Variants in MYH6 observed in about 807,000 individuals in gnomAD.
The protein encoded by MYH6 is myosin heavy chain 6.
Under a neutral mutation model 223.2 loss-of-function variants are expected in MYH6, and 126 were observed. That is an observed-to-expected ratio of 0.56 (90% CI 0.49 to 0.65). The LOEUF (loss-of-function observed/expected upper bound fraction) is 0.65. MYH6 is among the 30% of genes least tolerant of loss of function. The probability of loss-of-function intolerance (pLI) is 0.00; values close to 1 mark genes in which losing one functional copy is unlikely to be tolerated. For missense variants in MYH6, 2,040 were observed against 2,536.4 expected (o/e 0.80, Z 4.20); for synonymous variants, 978 against 1,010.2 (o/e 0.97, Z 0.61).
In MYH6 at chr14:23,393,848, G is replaced by T; in HGVS notation, c.2746C>A (p.Gln916Lys). 1.9e-6 allele frequency: 3 copies of T among 1,614,226 alleles called. No homozygotes were observed. Among genetic ancestry groups the T allele is most frequent in the Non-Finnish European group, 2.5e-6 (3 of 1,180,042 alleles). The change falls in exon 22 of 39, where the codon CAG becomes AAG. Residue 916 changes from glutamine to lysine, a missense_variant. By Grantham distance (53) the Gln-to-Lys change is moderately conservative. Coordinates refer to ENST00000405093, the MANE Select transcript of MYH6 (RefSeq NM_002471.4). ...ATCTCCTTTACTTTGGCCTCCAGCT[G>T]AATCTTGTTTTTGATCAGCTGGTCG... is the stretch of plus-strand genomic sequence containing the variant. ...RCDQLIKNKIQLEAKVKEMNE... is the reference protein window; with the variant it reads ...RCDQLIKNKIKLEAKVKEMNE...
At position 23,392,894 on chromosome 14, in the gene MYH6, G is replaced by A. The variant is rs1801790354; in HGVS notation, c.3251+18C>T. ...CAGACACCTCCATTAGCCCCTCCTGGCCACCACAGTCTCCTACTTCTTAAG... is the reference window on the plus strand; with the variant it reads ...CAGACACCTCCATTAGCCCCTCCTGACCACCACAGTCTCCTACTTCTTAAG... On this transcript the variant is annotated intron_variant, in intron 24 of 38. Coordinates refer to ENST00000405093, the MANE Select transcript of MYH6 (RefSeq NM_002471.4). 1 of 1,612,576 alleles carries A rather than the reference G, an allele frequency of 6.2e-7. No homozygotes were observed. Among genetic ancestry groups the A allele is most frequent in the Non-Finnish European group, 8.5e-7 (1 of 1,180,004 alleles).
intron 7 of MYH6, 129 bp from the exon 8 acceptor site, chr14:23,404,517 G>C: frequency 8.5e-7 from 1 of 1,177,448 alleles, no homozygotes; most frequent in Non-Finnish European, 1.3e-6. Context: ...GTGGGTCTGC[G>C]ACTCCACAGG....
rs750174797 is a variant in MYH6, at chr14:23,390,437, C to G, written c.3352G>C (p.Glu1118Gln). 2.5e-6 allele frequency: 4 copies of G among 1,612,580 alleles called. No individual in the cohort carries two copies. Among genetic ancestry groups the G allele is most frequent in the Admixed American group, 3.3e-5 (2 of 59,958 alleles). The change falls in exon 26 of 39, where the codon GAG (glutamate) becomes CAG (glutamine). Residue 1118 changes from glutamate (E) to glutamine (Q), a missense_variant. Glu to Gln is a conservative substitution (Grantham distance 29). Around this residue, in one of 4 missense-constraint regions of MYH6, gnomAD observed 1,203 missense variants for 1,400.2 expected, o/e 0.86. Transcript: ENST00000405093. Reference protein sequence around the residue: ...KKLKENQARIEELEEELEAER... With the variant: ...KKLKENQARIQELEEELEAER... ...GCCTCCAGCTCCTCCTCCAGCTCCT[C>G]GATGCGTGCCTGGGTCAGACACAAA...
chr14:23,397,935 TTCTTCTTCTTCTTC>T, intron 15 of MYH6, among the ~76,000 whole-genome samples: 1 of 57,752 alleles, frequency 1.7e-5, no homozygotes, highest in Non-Finnish European at 3.5e-5. Flanking sequence ...CCTCCTCCTC[TTCTTCTTCTTCTTC>T]TTCTTCTTCT....
intron 25 of MYH6, 28 bp downstream of exon 25, chr14:23,392,534 A>G: frequency 6.5e-7 from 1 of 1,539,766 alleles, no homozygotes; most frequent in South Asian, 1.1e-5. Context: ...TTGAGCTCCC[A>G]CTTTCATGCA....
chr14:23,389,488 C>G lies in MYH6; in HGVS notation c.3883G>C (p.Glu1295Gln), dbSNP rs34935550. 3.1e-3 allele frequency: 5,005 copies of G among 1,614,204 alleles called. 21 individuals carry two copies. The highest frequency in any genetic ancestry group is 0.013 in the East Asian group (582 of 44,884). ...AGCTGCGAGATTAGCGCCTCCTTTT[C>G]CTCTAGCTGCCGGGCCAACTCTCCT... ...ENGELARQLE[E>Q]KEALISQLTR... Residue 1295 changes from glutamate to glutamine, a missense_variant, in exon 28 of 39, where the codon GAA becomes CAA. Physicochemically the swap from Glu to Gln is conservative, Grantham distance 29. Around this residue, in one of 4 missense-constraint regions of MYH6, gnomAD observed 1,203 missense variants for 1,400.2 expected, o/e 0.86. Coordinates refer to ENST00000405093, the MANE Select transcript of MYH6 (RefSeq NM_002471.4).
At position 23,407,339 on chromosome 14, in the gene MYH6, C is replaced by A. The variant is rs1190811280; in HGVS notation, c.-13-103G>T. 2.2e-6 allele frequency: 3 copies of A among 1,378,226 alleles called. No individual in the cohort carries two copies. The East Asian group carries it at 7.0e-5, about 32-fold the overall frequency. The allele number at this position is 1,378,226 out of a possible 1,614,324, so 85.4% of individuals were successfully genotyped here. On this transcript the variant is annotated intron_variant, in intron 2 of 38. Coordinates refer to ENST00000405093, the MANE Select transcript of MYH6 (RefSeq NM_002471.4). This position sits in a 1 kb window ranked among gnomAD's most constrained non-coding sequence, Gnocchi z 5.6. ...CCCTCCCTACCCCCGCTCCTCTCCT[C>A]CACCCTGGGAGAGGCACCTGCTGTT...
Position 23,384,292 on chromosome 14 carries a change from T to C in MYH6, c.5565+150A>G, listed in dbSNP as rs1189762527. On this transcript the variant is annotated intron_variant, in intron 36 of 38. Transcript: ENST00000405093. ...TCATTTGCTGGAAAAACTCATAGAC[T>C]CAAGTCAAACTGACTGCAGAGCGTG... The C allele has an allele frequency of 1.7e-5, 22 of 1,266,390 alleles. No individual in the cohort carries two copies. The Admixed American group carries it at 4.2e-4, about 24-fold the overall frequency. 78.4% of individuals were successfully genotyped at this position (1,266,390 alleles called of 1,614,324 possible).
Position 23,390,118 on chromosome 14 carries a change from C to T in MYH6, c.3671G>A (p.Ser1224Asn), listed in dbSNP as rs1342875025. The T allele has an allele frequency of 3.7e-6, 6 of 1,612,160 alleles. No individual in the cohort carries two copies. The highest frequency in any genetic ancestry group is 5.1e-6 in the Non-Finnish European group (6 of 1,179,660). ...RVKQKLEKEK[S>N]EFKLELDDVT... ...GTCATCCAGCTCCAGCTTGAACTCGCTCTTCTCCTTCTCCAGCTTCTGCTT... is the reference window on the plus strand; with the variant it reads ...GTCATCCAGCTCCAGCTTGAACTCGTTCTTCTCCTTCTCCAGCTTCTGCTT... Residue 1224 changes from serine to asparagine, a missense_variant, in exon 26 of 39, where the codon AGC (serine) becomes AAC (asparagine). Coordinates refer to ENST00000405093, the MANE Select transcript of MYH6 (RefSeq NM_002471.4).
chr14:23,401,163 T>C (rs1169472788), intron 12 of MYH6, among the ~76,000 whole-genome samples, 186 bp from the exon 13 acceptor site: 7 of 152,176 alleles, frequency 4.6e-5, no homozygotes, highest in Admixed American at 2.6e-4. Context: ...TGAGCCACCA[T>C]GCCAGGCTAA....
rs1891768911 is a variant in MYH6, at chr14:23,405,805, C to T, written c.202-35G>A. 1 of 1,613,950 alleles carries T rather than the reference C, an allele frequency of 6.2e-7. No homozygotes were observed. The highest frequency in any genetic ancestry group is 8.5e-7 in the Non-Finnish European group (1 of 1,179,928). On this transcript the variant is annotated intron_variant, in intron 3 of 38. Transcript: ENST00000405093. The surrounding 1 kb of genome is among the most constrained non-coding windows in gnomAD (Gnocchi z 4.7). Reference sequence around the variant, plus strand: ...GCGCATAAGCAGGAGGATGAGTGACCACAATCCCTCCGGGACCCTTGCCAG... The same window carrying T: ...GCGCATAAGCAGGAGGATGAGTGACTACAATCCCTCCGGGACCCTTGCCAG...
chr14:23,396,464 G>A, intron 19 of MYH6, 44 bp from the exon 20 acceptor site: 6 of 1,609,046 alleles, frequency 3.7e-6, no homozygotes, highest in Non-Finnish European at 5.1e-6. Flanking sequence ...CCTCAGAGGG[G>A]AGTATCCAGG....
intron 32 of MYH6, 144 bp from the exon 33 acceptor site, chr14:23,386,767 T>G: frequency 9.8e-7 from 1 of 1,018,912 alleles, no homozygotes; most frequent in Non-Finnish European, 1.4e-6. Flanking sequence ...CTGCACCCCA[T>G]GCCCACCACG....
intron 28 of MYH6, 25 bp downstream of exon 28, chr14:23,389,368 G>T (rs1273984063): frequency 1.2e-6 from 2 of 1,610,898 alleles, no homozygotes; most frequent in Admixed American, 3.3e-5. Context: ...CATCAAGCCT[G>T]CCCACCCTCC....
rs576020908 is a variant in MYH6 at position 23,394,581 on chromosome 14, C to A, written c.2430-258G>T. 6.6e-4 allele frequency among the ~76,000 whole-genome samples: 100 copies of A among 152,314 alleles called. 1 individual carries two copies. Among genetic ancestry groups the A allele is most frequent in the Non-Finnish European group, 1.2e-3 (79 of 68,022 alleles). On this transcript the variant is annotated intron_variant, in intron 20 of 38. Coordinates refer to ENST00000405093, the MANE Select transcript of MYH6 (RefSeq NM_002471.4). Reference sequence around the variant, plus strand: ...AGAATGTCTACTCTGTTTGGTTTTTCTATTCTCATAAGAACTTCAAATATG... The same window carrying A: ...AGAATGTCTACTCTGTTTGGTTTTTATATTCTCATAAGAACTTCAAATATG...
chr14:23,390,343 C>T lies in MYH6; in HGVS notation c.3446G>A (p.Ser1149Asn). 2 of 1,608,860 alleles carry T rather than the reference C, an allele frequency of 1.2e-6. No homozygotes were observed. Among genetic ancestry groups the T allele is most frequent in the Non-Finnish European group, 8.5e-7 (1 of 1,179,424 alleles). Reference sequence around the variant, plus strand: ...CCCGCCGGCCTCTTCCAGCCGCTCGCTGATCTCCTCCAGCTCCCGAGACAG... The same window carrying T: ...CCCGCCGGCCTCTTCCAGCCGCTCGTTGATCTCCTCCAGCTCCCGAGACAG... The part of the protein sequence containing the change: ...SDLSRELEEI[S>N]ERLEEAGGAT... Residue 1149 changes from serine to asparagine, a missense_variant, in exon 26 of 39, where the codon AGC becomes AAC. Around this residue, in one of 4 missense-constraint regions of MYH6, gnomAD observed 1,203 missense variants for 1,400.2 expected, o/e 0.86. Coordinates refer to ENST00000405093, the MANE Select transcript of MYH6 (RefSeq NM_002471.4).
At position 23,400,588 on chromosome 14, in the gene MYH6, T is replaced by C. The variant is rs968640993; in HGVS notation, c.1410+121A>G. ...TGAAGACAGGGACAATGACTGCCTCTGTCACCACACAGTCCCCACTGCCTT... is the reference window on the plus strand; with the variant it reads ...TGAAGACAGGGACAATGACTGCCTCCGTCACCACACAGTCCCCACTGCCTT... On this transcript the variant is annotated intron_variant, in intron 13 of 38. Transcript: ENST00000405093. 3.8e-6 allele frequency: 6 copies of C among 1,586,638 alleles called. No individual in the cohort carries two copies. The East Asian group carries it at 9.1e-5, about 24-fold the overall frequency.
rs1891709286 is a variant in MYH6 at position 23,404,378 on chromosome 14, TCCAGGGTGC to T, written c.644_652del (p.Gly215_Leu217del). 1 of 1,614,214 alleles carries T rather than the reference TCCAGGGTGC, an allele frequency of 6.2e-7. No homozygotes were observed. The highest frequency in any genetic ancestry group is 8.5e-7 in the Non-Finnish European group (1 of 1,180,034). On this transcript the variant is annotated inframe_deletion and splice_region_variant, in exon 8 of 39. Transcript: ENST00000405093. ...GGGGTTGGCCTGGATGATCTGGTCC[TCCAGGGTGC>T]CCTATGAAAGGAGCAGAACTGCATG...
chr14:23,406,946 C>G (rs1891806370), intron 3 of MYH6, 77 bp downstream of exon 3: 4 of 1,493,888 alleles, frequency 2.7e-6, no homozygotes, highest in Admixed American at 1.7e-5. Context: ...TCTCAGCTCC[C>G]CCTGCAAGTG....
Sources: allele counts gnomAD v4.1 joint callset (sites outside exome capture counted in the v4.1 genomes callset), GRCh38; gene constraint gnomAD v4.1.1; regional missense constraint gnomAD v4.1.1; non-coding constraint Gnocchi (gnomAD v3.1); transcripts MANE v1.5; gene names NCBI Gene and HGNC (gene_info 2026-07-23, HGNC 2026-07-21).